SH3TC2: variants seen among roughly 807,000 people sequenced by gnomAD.
SH3TC2 encodes SH3 domain and tetratricopeptide repeat-containing protein 2.
SH3TC2 carries 87 observed loss-of-function variants against 124.5 expected under a neutral mutation model. The ratio of observed to expected loss-of-function variants is 0.70; its 90% CI spans 0.59 to 0.84. The LOEUF is 0.84. Among genes scored for constraint, SH3TC2 ranks in the 40% least tolerant of loss-of-function variants. The pLI, the probability that SH3TC2 is intolerant of heterozygous loss-of-function variation, is 0.00. For missense variants in SH3TC2, 1,536 were observed against 1,566.4 expected, an observed-to-expected ratio of 0.98 and a Z score of 0.33; for synonymous variants, 634 against 628.5, an observed-to-expected ratio of 1.01 and a Z score of -0.13.
At chr5:149,059,923 T>C (rs1204415195) in intron 1 of SH3TC2, among the ~76,000 whole-genome samples, 1 of 152,204 alleles carries the variant, frequency 6.6e-6, no homozygotes, top group Admixed American at 6.5e-5. Context: ...ATGCAAAAAT[T>C]TGTTACAGCT....
chr5:149,003,008 G>A lies in SH3TC2; in HGVS notation c.*1703C>T, dbSNP rs1411023933. The stretch of plus-strand genomic sequence containing the variant: ...AGATTCTGATTCAGAGATCATAGGT[G>A]GGGCCACAGATTTTCATTTCAAACA... On this transcript the variant is annotated 3_prime_UTR_variant, in exon 17 of 17. Coordinates refer to ENST00000515425, the MANE Select transcript of SH3TC2 (RefSeq NM_024577.4). 1.3e-5 allele frequency: 2 copies of A among 152,788 alleles called. No individual in the cohort carries two copies. Among genetic ancestry groups the A allele is most frequent in the African/African-American group, 4.8e-5 (2 of 41,448 alleles). 9.5% of individuals were successfully genotyped at this position (152,788 alleles called of 1,614,324 possible).
intron 8 of SH3TC2, among the ~76,000 whole-genome samples, chr5:149,037,396 T>C (rs181510064): frequency 1.7e-4 from 24 of 140,504 alleles, no homozygotes; most frequent in African/African-American, 6.6e-4. Context: ...CATTTCTACA[T>C]AGAAAAAAAA....
chr5:148,998,248 A>G lies in SH3TC2; in HGVS notation c.*6463T>C, dbSNP rs1413091115. ...TTTCTTACTGTGGGCCACAACAACAACAACATAACAACAAAAAAGGATTTG... is the reference window on the plus strand; with the variant it reads ...TTTCTTACTGTGGGCCACAACAACAGCAACATAACAACAAAAAAGGATTTG... On this transcript the variant is annotated 3_prime_UTR_variant, in exon 17 of 17. Transcript: ENST00000515425. 6.6e-6 allele frequency among the ~76,000 whole-genome samples: 1 copy of G among 152,246 alleles called. No homozygotes were observed. The highest frequency in any genetic ancestry group is 1.5e-5 in the Non-Finnish European group (1 of 68,048).
chr5:149,024,393 CAAGCCCTA>C (rs1481714077), intron 12 of SH3TC2, among the ~76,000 whole-genome samples: 2 of 152,200 alleles, frequency 1.3e-5, no homozygotes, highest in African/African-American at 2.4e-5. Flanking sequence ...CAAAGTCTTT[CAAGCCCTA>C]AAAGCTTAGG....
At chr5:149,041,390 C>G (rs773094160) in intron 6 of SH3TC2, 26 bp downstream of exon 6, 12 of 1,610,016 alleles carry the variant, frequency 7.5e-6, no homozygotes, top group Admixed American at 5.0e-5. Context: ...CTGGGACTTG[C>G]TCCCAGGAGG....
Position 148,987,666 on chromosome 5 carries a change from C to T in SH3TC2, c.*17045G>A, listed in dbSNP as rs1397759637. The stretch of plus-strand genomic sequence containing the variant: ...GAATGACTACAGAAACAAAGGGAAA[C>T]CTTATAACGAGTGTGGTGGAGTGAT... On this transcript the variant is annotated 3_prime_UTR_variant, in exon 17 of 17. Transcript: ENST00000515425. Among the ~76,000 whole-genome samples the T allele has an allele frequency of 6.6e-6, 1 of 152,078 alleles. No individual in the cohort carries two copies. The highest frequency in any genetic ancestry group is 1.5e-5 in the Non-Finnish European group (1 of 68,014).
At chr5:149,011,021 T>C (rs923995099) in intron 13 of SH3TC2, among the ~76,000 whole-genome samples, 5 of 152,246 alleles carry the variant, frequency 3.3e-5, no homozygotes, top group African/African-American at 1.2e-4. Flanking sequence ...AGCTTCTTTA[T>C]CTCTAGCAAG....
At chr5:149,060,951 T>C (rs1056797948) in intron 1 of SH3TC2, among the ~76,000 whole-genome samples, 2 of 152,182 alleles carry the variant, frequency 1.3e-5, no homozygotes, top group Non-Finnish European at 2.9e-5. Flanking sequence ...TTGTTCCTTT[T>C]CTCTAGGATA....
chr5:148,999,077 G>A lies in SH3TC2; in HGVS notation c.*5634C>T, dbSNP rs565468168. On this transcript the variant is annotated 3_prime_UTR_variant, in exon 17 of 17. Coordinates refer to ENST00000515425, the MANE Select transcript of SH3TC2 (RefSeq NM_024577.4). ...TCATACCAAGCCATCCATACATCTCGTCTCAATTAAAAGTCTGAGCAGAGG... is the reference window on the plus strand; with the variant it reads ...TCATACCAAGCCATCCATACATCTCATCTCAATTAAAAGTCTGAGCAGAGG... Among the ~76,000 whole-genome samples, 6 of 152,156 alleles carry A rather than the reference G, an allele frequency of 3.9e-5. 1 individual carries two copies. The highest frequency in any genetic ancestry group is 4.1e-4 in the South Asian group (2 of 4,826).
rs1753321992 is a variant in SH3TC2 at position 148,985,739 on chromosome 5, G to A, written c.*18972C>T. Among the ~76,000 whole-genome samples the A allele has an allele frequency of 6.6e-6, 1 of 152,106 alleles. No individual in the cohort carries two copies. Among genetic ancestry groups the A allele is most frequent in the Non-Finnish European group, 1.5e-5 (1 of 68,010 alleles). On this transcript the variant is annotated 3_prime_UTR_variant, in exon 17 of 17. Transcript: ENST00000515425. ...TAAATACCTAGGAGTAGCAATTCTG[G>A]ATCACTTTGTAAGTGTATGTTTAAT...
At chr5:149,030,970 A>G (rs1210520796) in intron 9 of SH3TC2, among the ~76,000 whole-genome samples, 1 of 152,204 alleles carries the variant, frequency 6.6e-6, no homozygotes, top group Non-Finnish European at 1.5e-5. Context: ...TGTCAGAGGA[A>G]TCTTTCACAA....
chr5:148,985,312 C>T lies in SH3TC2; in HGVS notation c.*19399G>A, dbSNP rs961573279. On this transcript the variant is annotated 3_prime_UTR_variant, in exon 17 of 17. Coordinates refer to ENST00000515425, the MANE Select transcript of SH3TC2 (RefSeq NM_024577.4). ...TGAGTTTTGGCAAATGCATTCAATG[C>T]CATCACTACTACAATCAAGATATAG... Among the ~76,000 whole-genome samples the T allele has an allele frequency of 6.6e-6, 1 of 152,106 alleles. No individual in the cohort carries two copies. The highest frequency in any genetic ancestry group is 1.5e-5 in the Non-Finnish European group (1 of 68,004).
intron 1 of SH3TC2, among the ~76,000 whole-genome samples, chr5:149,059,829 G>A (rs1028159245): frequency 5.9e-5 from 9 of 151,960 alleles, no homozygotes; most frequent in African/African-American, 2.2e-4. Flanking sequence ...GATATCCAGG[G>A]GCCCCTAAGT....
chr5:149,035,306 T>C (rs1209198234), intron 8 of SH3TC2: 1 of 152,250 alleles, frequency 6.6e-6, no homozygotes, highest in Non-Finnish European at 1.5e-5. Flanking sequence ...CATTAATTTA[T>C]CAATCTGACT....
rs925396429 is a variant in SH3TC2, at chr5:148,991,204, C to T, written c.*13507G>A. On this transcript the variant is annotated 3_prime_UTR_variant, in exon 17 of 17. Transcript: ENST00000515425. ...ACATATGTAGAGGACTTTTTCTTCT[C>T]TATACAAAAGCTTTTACCCATATAC... Among the ~76,000 whole-genome samples, 1 of 152,188 alleles carries T rather than the reference C, an allele frequency of 6.6e-6. No homozygotes were observed. Among genetic ancestry groups the T allele is most frequent in the Non-Finnish European group, 1.5e-5 (1 of 68,036 alleles).
At position 148,998,111 on chromosome 5, in the gene SH3TC2, A is replaced by G. The variant is rs115541211; in HGVS notation, c.*6600T>C. 4.3e-3 allele frequency among the ~76,000 whole-genome samples: 653 copies of G among 152,282 alleles called. 5 individuals are homozygous for G. The highest frequency in any genetic ancestry group is 0.015 in the African/African-American group (632 of 41,552). On this transcript the variant is annotated 3_prime_UTR_variant, in exon 17 of 17. Transcript: ENST00000515425. ...GTCATAAATTTGATATTTTTTAACT[A>G]GAATAGAATGTTTTTAAAAATGAAT... is the stretch of plus-strand genomic sequence containing the variant.
At chr5:149,011,904 T>A (rs1003499925) in intron 13 of SH3TC2, among the ~76,000 whole-genome samples, 2 of 152,226 alleles carry the variant, frequency 1.3e-5, no homozygotes, top group African/African-American at 4.8e-5. Flanking sequence ...ATTTACTAAG[T>A]TCTGAGCACT....
rs1753649380 is a variant in SH3TC2, at chr5:149,004,452, CTGTT to C, written c.*255_*258del. ...GTATGGAGAAAGTGCTTTTCAGAGG[CTGTT>C]TGTGTGGAAGGCAACAGTCAACCGG... On this transcript the variant is annotated 3_prime_UTR_variant, in exon 17 of 17. Coordinates refer to ENST00000515425, the MANE Select transcript of SH3TC2 (RefSeq NM_024577.4). 1 of 510,706 alleles carries C rather than the reference CTGTT, an allele frequency of 2.0e-6. No homozygotes were observed. Among genetic ancestry groups the C allele is most frequent in the Admixed American group, 3.4e-5 (1 of 29,306 alleles). 31.6% of individuals were successfully genotyped at this position (510,706 alleles called of 1,614,324 possible). A position where few individuals can be genotyped will look rare whatever the true frequency, so the allele number is the denominator to read the frequency against.
chr5:149,030,308 CTT>C (rs1305827029), intron 9 of SH3TC2, among the ~76,000 whole-genome samples: 2 of 152,238 alleles, frequency 1.3e-5, no homozygotes, highest in East Asian at 3.9e-4. Flanking sequence ...TGCTGCTTGT[CTT>C]GGTGCTGGGG....
Sources: allele counts gnomAD v4.1 joint callset (sites outside exome capture counted in the v4.1 genomes callset), GRCh38; gene constraint gnomAD v4.1.1; transcripts MANE v1.5; gene names NCBI Gene and HGNC (gene_info 2026-07-23, HGNC 2026-07-21).